PTPRT: variants seen among roughly 807,000 people sequenced by gnomAD.
PTPRT encodes receptor-type tyrosine-protein phosphatase T.
PTPRT carries 56 observed loss-of-function variants against 176.8 expected under a neutral mutation model. The ratio of observed to expected loss-of-function variants is 0.32; its 90% CI spans 0.26 to 0.40. The LOEUF is 0.40. PTPRT is among the 10% of genes least tolerant of loss of function. The pLI, the probability that PTPRT is intolerant of heterozygous loss-of-function variation, is 1.00. For missense variants in PTPRT, 1,540 were observed against 1,908.2 expected, an observed-to-expected ratio of 0.81 and a Z score of 3.60; for synonymous variants, 783 against 739.0, an observed-to-expected ratio of 1.06 and a Z score of -0.96.
chr20:42,196,241 A>G (rs1313311985), intron 16 of PTPRT, among the ~76,000 whole-genome samples: 4 of 152,204 alleles, frequency 2.6e-5, no homozygotes, highest in African/African-American at 9.7e-5. Context: ...ATGAACTTGC[A>G]AATGAACTTC....
intron 1 of PTPRT, among the ~76,000 whole-genome samples, chr20:43,108,703 G>GT (rs2012725176): frequency 6.6e-6 from 1 of 152,060 alleles, no homozygotes; most frequent in African/African-American, 2.4e-5. Context: ...CAGAGGCAGG[G>GT]TTGGCGTGGG....
intron 29 of PTPRT, among the ~76,000 whole-genome samples, chr20:42,083,136 A>AAAAAAG (rs146913637): frequency 0.049 from 6,358 of 129,264 alleles, 760 homozygotes; most frequent in African/African-American, 0.2. Flanking sequence ...AAAAAAAAAA[A>AAAAAAG]GCAGGCTAAA....
chr20:42,468,825 A>G (rs1245759954), intron 8 of PTPRT, among the ~76,000 whole-genome samples: 1 of 152,190 alleles, frequency 6.6e-6, no homozygotes, highest in Admixed American at 6.5e-5. Context: ...GCTGATTTTC[A>G]GCAGTGACTT....
chr20:42,862,352 C>T (rs1002126315), intron 2 of PTPRT, among the ~76,000 whole-genome samples: 1 of 152,142 alleles, frequency 6.6e-6, no homozygotes, highest in African/African-American at 2.4e-5. Flanking sequence ...CAAATGTTTG[C>T]CACACAGGAT....
At chr20:42,234,396 G>A (rs1035764679) in intron 15 of PTPRT, among the ~76,000 whole-genome samples, 7 of 152,314 alleles carry the variant, frequency 4.6e-5, no homozygotes, top group South Asian at 2.1e-4. Context: ...CCAGAGCTGC[G>A]TCACTCCTGA....
At chr20:42,700,998 G>A (rs958363464) in intron 6 of PTPRT, among the ~76,000 whole-genome samples, 3 of 152,096 alleles carry the variant, frequency 2.0e-5, no homozygotes, top group African/African-American at 7.2e-5. Context: ...TTTCCCAACA[G>A]CAATTTGAAA....
intron 7 of PTPRT, among the ~76,000 whole-genome samples, chr20:42,601,642 G>A (rs1049973595): frequency 2.6e-5 from 4 of 152,034 alleles, no homozygotes; most frequent in African/African-American, 9.7e-5. Context: ...TACAAGAAAA[G>A]GATCCTTTTG....
chr20:42,741,513 T>A (rs1281083991), intron 6 of PTPRT, among the ~76,000 whole-genome samples: 3 of 151,950 alleles, frequency 2.0e-5, no homozygotes, highest in Non-Finnish European at 2.9e-5. Flanking sequence ...CCCGGCTAAT[T>A]TCTTGTATTT....
intron 15 of PTPRT, among the ~76,000 whole-genome samples, chr20:42,206,713 C>T (rs1237081937): frequency 6.6e-6 from 1 of 152,232 alleles, no homozygotes; most frequent in Non-Finnish European, 1.5e-5. Flanking sequence ...GGGAGGGGCA[C>T]CCGCCATTGC....
At chr20:43,186,510 A>G (rs924598851) in intron 1 of PTPRT, among the ~76,000 whole-genome samples, 3 of 152,210 alleles carry the variant, frequency 2.0e-5, no homozygotes, top group African/African-American at 7.2e-5. Flanking sequence ...TGATGCTGTC[A>G]TGTCCTCTGA....
chr20:43,172,380 T>G (rs2015022875), intron 1 of PTPRT, among the ~76,000 whole-genome samples: 1 of 152,348 alleles, frequency 6.6e-6, no homozygotes, highest in South Asian at 2.1e-4. Flanking sequence ...CGCAAGCCCT[T>G]GCACAGGCTG....
intron 11 of PTPRT, among the ~76,000 whole-genome samples, chr20:42,347,338 T>C (rs1048111488): frequency 6.6e-6 from 1 of 152,200 alleles, no homozygotes; most frequent in African/African-American, 2.4e-5. Context: ...CCATATTGTT[T>C]TCTCCATCCT....
At chr20:42,753,230 G>A (rs2076788911) in intron 6 of PTPRT, among the ~76,000 whole-genome samples, 1 of 152,110 alleles carries the variant, frequency 6.6e-6, no homozygotes, top group Non-Finnish European at 1.5e-5. Context: ...TCGGACTCCA[G>A]TTGTACCCCT....
intron 15 of PTPRT, among the ~76,000 whole-genome samples, chr20:42,204,317 C>G (rs1460353049): frequency 6.6e-6 from 1 of 152,000 alleles, no homozygotes; most frequent in Admixed American, 6.6e-5. Flanking sequence ...AAATCTCATG[C>G]AATAGTCATA....
At chr20:43,069,342 G>T (rs1442669201) in intron 1 of PTPRT, among the ~76,000 whole-genome samples, 2 of 152,142 alleles carry the variant, frequency 1.3e-5, no homozygotes, top group African/African-American at 2.4e-5. Flanking sequence ...CTACTAACTG[G>T]TCAGTGCTAT....
chr20:42,852,119 T>C (rs1309739471), intron 2 of PTPRT, among the ~76,000 whole-genome samples: 2 of 152,234 alleles, frequency 1.3e-5, no homozygotes, highest in African/African-American at 2.4e-5. Flanking sequence ...CTCCCTTCTA[T>C]TAAGGGACAA....
chr20:43,157,507 T>A (rs972608514), intron 1 of PTPRT, among the ~76,000 whole-genome samples: 2 of 152,120 alleles, frequency 1.3e-5, no homozygotes, highest in Non-Finnish European at 2.9e-5. Context: ...AGCCAACCCA[T>A]AGCTGATTAT....
intron 15 of PTPRT, among the ~76,000 whole-genome samples, chr20:42,212,152 TG>T (rs1443360963): frequency 1.9e-5 from 1 of 51,852 alleles, no homozygotes; most frequent in Non-Finnish European, 3.3e-5. Flanking sequence ...TGTTGTGGGG[TG>T]GGGGGAGGGG....
intron 6 of PTPRT, among the ~76,000 whole-genome samples, chr20:42,692,533 A>T (rs1328679497): frequency 6.6e-6 from 1 of 152,212 alleles, no homozygotes; most frequent in African/African-American, 2.4e-5. Context: ...TAGAAATAGA[A>T]GGAAAGTCCT....
Sources: gnomAD v4.1 joint callset for allele counts (sites outside exome capture counted in the v4.1 genomes callset) on GRCh38, gnomAD v4.1.1 for gene constraint, MANE v1.5 for transcripts, NCBI Gene and HGNC (gene_info 2026-07-23, HGNC 2026-07-21) for gene names.